Variants in TNKS observed in about 807,000 individuals in gnomAD.
TNKS encodes the protein tankyrase.
TNKS carries 72 observed loss-of-function variants against 135.8 expected under a neutral mutation model. The observed-to-expected ratio is 0.53, with a 90% confidence interval of 0.44 to 0.64. The LOEUF is 0.64. Among genes scored for constraint, TNKS ranks in the 30% least tolerant of loss-of-function variants. The probability of loss-of-function intolerance (pLI) is 0.00; values close to 1 mark genes in which losing one functional copy is unlikely to be tolerated. For synonymous variants in TNKS, 849 were observed against 649.3 expected (o/e 1.31, Z -4.68); for missense variants, 1,769 against 1,674.0 (o/e 1.06, Z -0.99).
intron 22 of TNKS, among the ~76,000 whole-genome samples, chr8:9,764,177 C>A (rs186368979): frequency 2.0e-5 from 3 of 151,998 alleles, no homozygotes; most frequent in Middle Eastern, 3.4e-3. Flanking sequence ...AAACATTTTT[C>A]TTTTCCATAA....
intron 2 of TNKS, among the ~76,000 whole-genome samples, chr8:9,584,629 A>C (rs1798298969): frequency 6.6e-6 from 1 of 152,210 alleles, no homozygotes; most frequent in African/African-American, 2.4e-5. Flanking sequence ...TATAATTGAT[A>C]ACAGAGATCT....
At chr8:9,716,710 TTCTC>T (rs1332181266) in intron 11 of TNKS, among the ~76,000 whole-genome samples, 1 of 151,986 alleles carries the variant, frequency 6.6e-6, no homozygotes, top group Non-Finnish European at 1.5e-5. Flanking sequence ...CTCCCTGTCT[TTCTC>T]TCTCTTTCTC....
chr8:9,772,539 G>A (rs1807973426), intron 26 of TNKS: 3 of 386,388 alleles, frequency 7.8e-6, no homozygotes, highest in Non-Finnish European at 1.5e-5. Context: ...ATTACATGAG[G>A]CCCAAGAGAC....
At chr8:9,590,484 T>C (rs1798549658) in intron 2 of TNKS, among the ~76,000 whole-genome samples, 1 of 152,226 alleles carries the variant, frequency 6.6e-6, no homozygotes, top group African/African-American at 2.4e-5. Context: ...ATCATACATT[T>C]ACTTGTTTGT....
intron 2 of TNKS, among the ~76,000 whole-genome samples, chr8:9,598,339 G>A (rs375774599): frequency 9.2e-5 from 14 of 152,060 alleles, no homozygotes; most frequent in Non-Finnish European, 1.8e-4. Context: ...GAGCCACCGC[G>A]CCCGGCCAGT....
intron 2 of TNKS, among the ~76,000 whole-genome samples, chr8:9,585,305 C>T (rs1229593230): frequency 6.6e-6 from 1 of 151,752 alleles, no homozygotes; most frequent in African/African-American, 2.4e-5. Context: ...CTGGGAACAT[C>T]AACGTCATTT....
chr8:9,569,872 TA>T (rs33991786), intron 1 of TNKS, among the ~76,000 whole-genome samples: 3,017 of 152,336 alleles, frequency 0.02, 70 homozygotes, highest in African/African-American at 0.06. Flanking sequence ...TTTAAAATTT[TA>T]TCTGTAAGCT....
At chr8:9,707,066 A>T in intron 8 of TNKS, 69 bp downstream of exon 8, 1 of 1,305,292 alleles carries the variant, frequency 7.7e-7, no homozygotes, top group Non-Finnish European at 1.0e-6. Context: ...AGTTTTATCT[A>T]CCTTAAATAA....
At chr8:9,594,015 T>C (rs1411026884) in intron 2 of TNKS, among the ~76,000 whole-genome samples, 2 of 152,138 alleles carry the variant, frequency 1.3e-5, no homozygotes, top group Non-Finnish European at 2.9e-5. Flanking sequence ...GCCTCCCGAA[T>C]AGCTGGGACT....
At chr8:9,691,630 C>T (rs1803276398) in intron 5 of TNKS, among the ~76,000 whole-genome samples, 2 of 152,286 alleles carry the variant, frequency 1.3e-5, no homozygotes, top group East Asian at 1.9e-4. Context: ...TTAGTTCCCT[C>T]ATTTGTTGTG....
intron 2 of TNKS, among the ~76,000 whole-genome samples, chr8:9,589,652 C>T (rs1213717837): frequency 1.3e-5 from 2 of 152,212 alleles, no homozygotes; most frequent in Non-Finnish European, 2.9e-5. Context: ...TGGACTTGGC[C>T]CCTCGGGCCT....
intron 3 of TNKS, among the ~76,000 whole-genome samples, chr8:9,654,933 C>T (rs575752441): frequency 4.9e-4 from 75 of 152,270 alleles, no homozygotes; most frequent in African/African-American, 1.7e-3. Flanking sequence ...ATGCGTGAGC[C>T]GAAGCAGGGT....
At chr8:9,695,207 G>A (rs958085894) in intron 5 of TNKS, among the ~76,000 whole-genome samples, 3 of 152,090 alleles carry the variant, frequency 2.0e-5, no homozygotes, top group Non-Finnish European at 4.4e-5. Flanking sequence ...CAGTATATAG[G>A]TCTTCCAAAG....
At chr8:9,599,865 C>A (rs181328288) in intron 2 of TNKS, among the ~76,000 whole-genome samples, 1 of 151,860 alleles carries the variant, frequency 6.6e-6, no homozygotes, top group Non-Finnish European at 1.5e-5. Context: ...TTGGAAGATT[C>A]TTTTATTATT....
Position 9,556,235 on chromosome 8 carries a change from T to G in TNKS, c.296T>G (p.Val99Gly), listed in dbSNP as rs376761478. The change falls in exon 1 of 27, where the codon GTC becomes GGC. Residue 99 changes from valine to glycine, a missense_variant. By Grantham distance (109) the Val-to-Gly change is moderately radical (BLOSUM62 -3). Transcript: ENST00000310430. ...CCSTTSTICT[V>G]AAAPVVPAVS... The stretch of plus-strand genomic sequence containing the variant: ...AGTACCACCAGCACAATCTGTACCG[T>G]CGCCGCCGCTCCCGTGGTCCCAGCG... 173 of 1,614,028 alleles carry G rather than the reference T, an allele frequency of 1.1e-4. No homozygotes were observed. The highest frequency in any genetic ancestry group is 1.4e-4 in the Non-Finnish European group (167 of 1,180,022).
intron 2 of TNKS, among the ~76,000 whole-genome samples, chr8:9,597,765 G>T (rs961023442): frequency 6.6e-6 from 1 of 152,122 alleles, no homozygotes; most frequent in Middle Eastern, 3.2e-3. Context: ...TCTGAAAATT[G>T]TAACCCACTA....
At chr8:9,633,310 C>G (rs948149845) in intron 3 of TNKS, among the ~76,000 whole-genome samples, 2 of 152,034 alleles carry the variant, frequency 1.3e-5, no homozygotes, top group African/African-American at 2.4e-5. Flanking sequence ...AATATTGGAG[C>G]CTGCCTAAGT....
chr8:9,749,804 C>G lies in TNKS; in HGVS notation c.2832+1592C>G, dbSNP rs561163685. On this transcript the variant is annotated intron_variant, in intron 18 of 26. Coordinates refer to ENST00000310430, the MANE Select transcript of TNKS (RefSeq NM_003747.3). ...AGCCTCTGTAGCTCTTGGCCATGCC[C>G]TCTGAATTATCCTTCTCTTTTCATA... Among the ~76,000 whole-genome samples, 11 of 152,224 alleles carry G rather than the reference C, an allele frequency of 7.2e-5. No homozygotes were observed. The East Asian group carries it at 1.4e-3, about 19-fold the overall frequency.
intron 3 of TNKS, among the ~76,000 whole-genome samples, chr8:9,645,868 C>G (rs146124715): frequency 0.011 from 1,689 of 152,184 alleles, 13 homozygotes; most frequent in African/African-American, 0.023. Context: ...AGTTTTGACT[C>G]ATAGTTATCT....
Sources: allele counts gnomAD v4.1 joint callset (sites outside exome capture counted in the v4.1 genomes callset), GRCh38; gene constraint gnomAD v4.1.1; transcripts MANE v1.5; gene names NCBI Gene and HGNC (gene_info 2026-07-23, HGNC 2026-07-21).